Variants in CDH13 observed in about 807,000 individuals in gnomAD.
The protein encoded by CDH13 is cadherin-13.
Under a neutral mutation model 63.8 loss-of-function variants are expected in CDH13, and 24 were observed. The ratio of observed to expected loss-of-function variants is 0.38; its 90% CI spans 0.27 to 0.53. The LOEUF (loss-of-function observed/expected upper bound fraction) is 0.53, where lower values mean the gene tolerates loss of function less well. Ranked by LOEUF, CDH13 falls within the 20% of genes least tolerant of loss-of-function variation. The pLI, the probability that CDH13 is intolerant of heterozygous loss-of-function variation, is 0.85. For synonymous variants in CDH13, 503 were observed against 355.3 expected (o/e 1.42, Z -4.67); for missense variants, 1,049 against 903.1 (o/e 1.16, Z -2.07).
chr16:83,574,571 AC>A (rs1904935407), intron 7 of CDH13, among the ~76,000 whole-genome samples: 1 of 152,090 alleles, frequency 6.6e-6, no homozygotes, highest in South Asian at 2.1e-4. Flanking sequence ...CCAACCACAC[AC>A]CTGTGAGTCA....
At chr16:82,968,144 T>C (rs1302397655) in intron 2 of CDH13, among the ~76,000 whole-genome samples, 1 of 152,206 alleles carries the variant, frequency 6.6e-6, no homozygotes, top group Non-Finnish European at 1.5e-5. Flanking sequence ...TTATGGGTTC[T>C]TTTTTTATTC....
At chr16:83,254,018 C>G (rs1353713396) in intron 5 of CDH13, among the ~76,000 whole-genome samples, 1 of 152,184 alleles carries the variant, frequency 6.6e-6, no homozygotes, top group African/African-American at 2.4e-5. Flanking sequence ...AAGAGAATGT[C>G]TTGCTCCTGG....
chr16:83,444,313 G>A (rs967146279), intron 6 of CDH13, among the ~76,000 whole-genome samples: 1 of 152,154 alleles, frequency 6.6e-6, no homozygotes, highest in East Asian at 1.9e-4. Flanking sequence ...TAAGCCCTGA[G>A]TGTTCATTAT....
intron 6 of CDH13, among the ~76,000 whole-genome samples, chr16:83,422,700 C>G (rs954412001): frequency 6.6e-6 from 1 of 152,174 alleles, no homozygotes. Flanking sequence ...CCTCTGACCT[C>G]TAAGCTCATG....
intron 2 of CDH13, among the ~76,000 whole-genome samples, chr16:82,994,105 G>C (rs980036108): frequency 6.6e-6 from 1 of 152,156 alleles, no homozygotes; most frequent in South Asian, 2.1e-4. Context: ...TTACCCATCT[G>C]TTTGTGGGGA....
At chr16:82,837,955 A>G (rs144487341) in intron 1 of CDH13, among the ~76,000 whole-genome samples, 316 of 152,306 alleles carry the variant, frequency 2.1e-3, no homozygotes, top group African/African-American at 6.4e-3. Flanking sequence ...GCAGTCTGCA[A>G]TCTGCTTCGT....
rs371129991 is a variant in CDH13, at chr16:82,929,026, T to G, written c.157+70553T>G. On this transcript the variant is annotated intron_variant, in intron 2 of 13. Coordinates refer to ENST00000567109, the MANE Select transcript of CDH13 (RefSeq NM_001257.5). ...TTTCTAAGAGATCTCTGATTTGTAG[T>G]TGTAGTGATGACTTTCATAATCTAT... 4.4e-3 allele frequency among the ~76,000 whole-genome samples: 670 copies of G among 152,320 alleles called. 1 individual carries two copies. The highest frequency in any genetic ancestry group is 7.7e-3 in the Non-Finnish European group (522 of 68,022).
intron 12 of CDH13, among the ~76,000 whole-genome samples, chr16:83,781,132 T>G (rs1214514245): frequency 3.9e-5 from 6 of 152,146 alleles, no homozygotes; most frequent in Non-Finnish European, 8.8e-5. Flanking sequence ...GCAAGCAATG[T>G]CTCCTCCCAC....
At chr16:83,096,887 C>G (rs967575325) in intron 3 of CDH13, among the ~76,000 whole-genome samples, 1 of 152,054 alleles carries the variant, frequency 6.6e-6, no homozygotes, top group Non-Finnish European at 1.5e-5. Flanking sequence ...ATTGTCCTTG[C>G]CTTTGAAAGT....
intron 4 of CDH13, among the ~76,000 whole-genome samples, chr16:83,175,403 C>G (rs928881841): frequency 7.2e-5 from 11 of 152,246 alleles, no homozygotes; most frequent in African/African-American, 2.6e-4. Context: ...CATGCAGACA[C>G]TATTAATTCG....
chr16:83,261,609 T>C (rs1341513390), intron 5 of CDH13, among the ~76,000 whole-genome samples: 2 of 151,958 alleles, frequency 1.3e-5, no homozygotes, highest in Non-Finnish European at 2.9e-5. Flanking sequence ...ACAGCCCCCA[T>C]GACAAAGAAA....
intron 6 of CDH13, among the ~76,000 whole-genome samples, chr16:83,467,116 G>A (rs528431321): frequency 6.6e-6 from 1 of 152,248 alleles, no homozygotes; most frequent in African/African-American, 2.4e-5. Context: ...AGCAATATAA[G>A]CCATAATGGC....
chr16:83,624,306 G>A (rs939553558), intron 8 of CDH13, among the ~76,000 whole-genome samples: 7 of 151,764 alleles, frequency 4.6e-5, no homozygotes, highest in Non-Finnish European at 7.4e-5. Context: ...CCCTCAGACC[G>A]GGCATTGATT....
intron 1 of CDH13, among the ~76,000 whole-genome samples, chr16:82,719,728 C>T (rs1430578974): frequency 2.0e-5 from 3 of 151,564 alleles, no homozygotes; most frequent in South Asian, 4.2e-4. Flanking sequence ...TGTCTATAAT[C>T]CCGGCTACTC....
intron 10 of CDH13, among the ~76,000 whole-genome samples, chr16:83,705,360 C>G (rs758276579): frequency 6.6e-6 from 1 of 152,180 alleles, no homozygotes; most frequent in Non-Finnish European, 1.5e-5. Flanking sequence ...CGGTGGCTCA[C>G]GCCTGTAATC....
chr16:82,700,834 C>T (rs887144534), intron 1 of CDH13, among the ~76,000 whole-genome samples: 7 of 151,030 alleles, frequency 4.6e-5, no homozygotes, highest in South Asian at 4.2e-4. Flanking sequence ...TCTATATAGC[C>T]GCTATCCCAA....
At chr16:83,270,555 C>T (rs755383416) in intron 5 of CDH13, among the ~76,000 whole-genome samples, 8 of 152,120 alleles carry the variant, frequency 5.3e-5, no homozygotes, top group Admixed American at 1.3e-4. Flanking sequence ...AGTATGCAAA[C>T]ACCTGAGTGC....
At chr16:83,520,715 G>T (rs1318706618) in intron 7 of CDH13, among the ~76,000 whole-genome samples, 1 of 152,106 alleles carries the variant, frequency 6.6e-6, no homozygotes, top group Non-Finnish European at 1.5e-5. Context: ...TGGAACACTT[G>T]CAGGAATGTG....
At chr16:83,518,358 G>T (rs939930690) in intron 7 of CDH13, among the ~76,000 whole-genome samples, 3 of 151,850 alleles carry the variant, frequency 2.0e-5, no homozygotes, top group South Asian at 2.1e-4. Flanking sequence ...TGTTAGCCAG[G>T]ATGGTCTCGA....
Sources: gnomAD v4.1 joint callset for allele counts (sites outside exome capture counted in the v4.1 genomes callset) on GRCh38, gnomAD v4.1.1 for gene constraint, MANE v1.5 for transcripts, NCBI Gene and HGNC (gene_info 2026-07-23, HGNC 2026-07-21) for gene names.